Variants in PIK3R4 observed in about 807,000 individuals in gnomAD.
PIK3R4 encodes phosphoinositide-3-kinase regulatory subunit 4.
Under a neutral mutation model 136.5 loss-of-function variants are expected in PIK3R4, and 46 were observed. The observed-to-expected ratio is 0.34, with a 90% confidence interval of 0.27 to 0.43. The LOEUF (loss-of-function observed/expected upper bound fraction) is 0.43. PIK3R4 is among the 20% of genes least tolerant of loss of function. PIK3R4 has a pLI of 1.00. For missense variants in PIK3R4, 1,331 were observed against 1,649.5 expected (o/e 0.81, Z 3.35); for synonymous variants, 557 against 566.7 (o/e 0.98, Z 0.24).
At chr3:130,742,141 A>G (rs1271933021) in intron 2 of PIK3R4, among the ~76,000 whole-genome samples, 1 of 152,188 alleles carries the variant, frequency 6.6e-6, no homozygotes, top group African/African-American at 2.4e-5. Flanking sequence ...ATCCATCAAG[A>G]GGGGAAAGTA....
chr3:130,717,423 G>T (rs1180730069), intron 8 of PIK3R4, among the ~76,000 whole-genome samples: 1 of 152,072 alleles, frequency 6.6e-6, no homozygotes, highest in East Asian at 1.9e-4. Flanking sequence ...TTCAAAAGGA[G>T]TAGATATCTC....
rs187607647 is a variant in PIK3R4, at chr3:130,727,654, T to C, written c.1807+809A>G. On this transcript the variant is annotated intron_variant, in intron 6 of 19. Transcript: ENST00000356763. ...TACAACTATGTGGGAAATGATATAA[T>C]AGGGGGTAGTGGATAATCATAATAA... is the stretch of plus-strand genomic sequence containing the variant. Among the ~76,000 whole-genome samples, 315 of 152,284 alleles carry C rather than the reference T, an allele frequency of 2.1e-3. 1 individual carries two copies. Among genetic ancestry groups the C allele is most frequent in the Middle Eastern group, 3.4e-3 (1 of 294 alleles).
intron 14 of PIK3R4, among the ~76,000 whole-genome samples, chr3:130,687,140 T>A (rs2066494803): frequency 6.6e-6 from 1 of 151,632 alleles, no homozygotes; most frequent in Non-Finnish European, 1.5e-5. Context: ...GGGACACAAG[T>A]CTAAACATGA....
At chr3:130,680,147 A>G (rs76058068) in intron 19 of PIK3R4, among the ~76,000 whole-genome samples, 1 of 152,106 alleles carries the variant, frequency 6.6e-6, no homozygotes, top group South Asian at 2.1e-4. Flanking sequence ...AAGCTCATTA[A>G]TATTTGTCAT....
At chr3:130,725,486 T>G (rs886322550) in intron 6 of PIK3R4, among the ~76,000 whole-genome samples, 1 of 151,502 alleles carries the variant, frequency 6.6e-6, no homozygotes, top group Admixed American at 6.6e-5. Context: ...ATTAAACAGT[T>G]AAGTGTAAAA....
rs376932644 is a variant in PIK3R4, at chr3:130,723,433, G to A, written c.1962C>T (p.Tyr654=). Residue 654 remains tyrosine, a synonymous_variant, in exon 7 of 20, where the codon TAC becomes TAT. Transcript: ENST00000356763. ...QLGLLQKPHV[Y]EFASDIAPFL... ...ACTTACCAATATCACTGGCAAATTC[G>A]TAAACATGGGGTTTTTGTAGCAGTC... 46 of 1,599,428 alleles carry A rather than the reference G, an allele frequency of 2.9e-5. No homozygotes were observed. The highest frequency in any genetic ancestry group is 1.7e-4 in the Middle Eastern group (1 of 6,024).
At chr3:130,700,947 C>A (rs2066570751) in intron 13 of PIK3R4, among the ~76,000 whole-genome samples, 1 of 152,182 alleles carries the variant, frequency 6.6e-6, no homozygotes, top group Non-Finnish European at 1.5e-5. Flanking sequence ...GATCCAGTCT[C>A]CTAACCATAC....
intron 13 of PIK3R4, among the ~76,000 whole-genome samples, chr3:130,696,715 A>C (rs902511128): frequency 2.6e-5 from 4 of 152,164 alleles, no homozygotes; most frequent in African/African-American, 9.7e-5. Flanking sequence ...GAAGATTTAA[A>C]TTCTGCTGTT....
chr3:130,679,583 T>G, intron 19 of PIK3R4, 98 bp from the exon 20 acceptor site: 1 of 804,386 alleles, frequency 1.2e-6, no homozygotes, highest in East Asian at 2.5e-5. Context: ...TGTTGTTGTA[T>G]TTAAGTTAAC....
chr3:130,690,466 T>G, intron 14 of PIK3R4, 24 bp downstream of exon 14: 1 of 1,586,524 alleles, frequency 6.3e-7, no homozygotes, highest in Non-Finnish European at 8.6e-7. Context: ...ATACAATGTT[T>G]AAGAAAGACA....
Position 130,707,021 on chromosome 3 carries a change from ACCT to A in PIK3R4, c.2645_2647del (p.Glu882del). 6.2e-7 allele frequency: 1 copy of A among 1,612,292 alleles called. No homozygotes were observed. Among genetic ancestry groups the A allele is most frequent in the Non-Finnish European group, 8.5e-7 (1 of 1,179,252 alleles). ...ACGAGGAGGTTTCCCAGTCTGAATC[ACCT>A]CCTGATCACTCCCTTTAGGTAGGGC... On this transcript the variant is annotated inframe_deletion, in exon 11 of 20. Transcript: ENST00000356763.
At chr3:130,691,719 T>C (rs1251377126) in intron 13 of PIK3R4, among the ~76,000 whole-genome samples, 1 of 146,316 alleles carries the variant, frequency 6.8e-6, no homozygotes, top group Admixed American at 7.1e-5. Context: ...TACAGAAATG[T>C]AAAAACATTT....
chr3:130,738,718 A>G (rs1162819557), intron 2 of PIK3R4, among the ~76,000 whole-genome samples: 1 of 151,952 alleles, frequency 6.6e-6, no homozygotes, highest in African/African-American at 2.4e-5. Flanking sequence ...GAGGACTGTC[A>G]CAAGGACACA....
intron 15 of PIK3R4, 141 bp from the exon 16 acceptor site, chr3:130,684,522 C>T: frequency 1.5e-6 from 1 of 683,162 alleles, no homozygotes; most frequent in Non-Finnish European, 2.4e-6. Context: ...GTTTTGTTCT[C>T]ATGAAGCTGT....
Position 130,679,505 on chromosome 3 carries a change from G to C in PIK3R4, c.3907-20C>G. On this transcript the variant is annotated intron_variant, in intron 19 of 19. Transcript: ENST00000356763. ...AATTTCCTGTTTGGTGATTAAAAGG[G>C]AGCAAGCCAGAGGTTAAAAGTCTGT... 1 of 1,591,384 alleles carries C rather than the reference G, an allele frequency of 6.3e-7. No homozygotes were observed. The highest frequency in any genetic ancestry group is 1.1e-5 in the South Asian group (1 of 89,504).
intron 13 of PIK3R4, among the ~76,000 whole-genome samples, chr3:130,697,914 C>T (rs576713929): frequency 4.0e-4 from 61 of 152,266 alleles, no homozygotes; most frequent in African/African-American, 1.5e-3. Context: ...TAGGGAAAAT[C>T]TGCTGGCAAT....
At chr3:130,687,044 T>C (rs1559819769) in intron 14 of PIK3R4, among the ~76,000 whole-genome samples, 3 of 150,086 alleles carry the variant, frequency 2.0e-5, no homozygotes, top group Admixed American at 6.6e-5. Context: ...GCCAAAATGC[T>C]CACAACCACA....
chr3:130,679,439 C>T lies in PIK3R4; in HGVS notation c.3953G>A (p.Arg1318Gln), dbSNP rs759590880. The T allele has an allele frequency of 1.2e-5, 19 of 1,612,842 alleles. No individual in the cohort carries two copies. Among genetic ancestry groups the T allele is most frequent in the African/African-American group, 4.0e-5 (3 of 74,860 alleles). The change falls in exon 20 of 20, where the codon CGA (arginine) becomes CAA (glutamine). Residue 1318 changes from arginine to glutamine, a missense_variant. By Grantham distance (43) the Arg-to-Gln change is conservative. Coordinates refer to ENST00000356763, the MANE Select transcript of PIK3R4 (RefSeq NM_014602.3). ...QKVGPSDDTP[R>Q]RGPESLPVGH... ...CACGGGCAGGGACTCTGGGCCCCTT[C>T]GAGGGGTGTCATCACTTGGTCCTAC...
At chr3:130,729,539 T>C (rs1280829135) in intron 5 of PIK3R4, among the ~76,000 whole-genome samples, 1 of 152,292 alleles carries the variant, frequency 6.6e-6, no homozygotes, top group Admixed American at 6.5e-5. Context: ...TACATGGTTA[T>C]AGGACAGTAT....
Sources: gnomAD v4.1 joint callset for allele counts (sites outside exome capture counted in the v4.1 genomes callset) on GRCh38, gnomAD v4.1.1 for gene constraint, MANE v1.5 for transcripts, NCBI Gene and HGNC (gene_info 2026-07-23, HGNC 2026-07-21) for gene names.